Variants in NEGR1 observed in about 807,000 individuals in gnomAD.
NEGR1 encodes IgLON family member 4.
A neutral mutation model predicts 40.9 loss-of-function variants in NEGR1; 10 were observed. The ratio of observed to expected loss-of-function variants is 0.24; its 90% CI spans 0.15 to 0.42. The LOEUF (loss-of-function observed/expected upper bound fraction) is 0.42, where lower values mean the gene tolerates loss of function less well. Among genes scored for constraint, NEGR1 ranks in the 10% least tolerant of loss-of-function variants. NEGR1 has a pLI of 1.00. For missense variants in NEGR1, 352 were observed against 438.9 expected (o/e 0.80, Z 1.77); for synonymous variants, 185 against 166.8 (o/e 1.11, Z -0.84).
intron 1 of NEGR1, among the ~76,000 whole-genome samples, chr1:72,111,903 A>AT (rs796242037): frequency 3.3e-5 from 5 of 151,922 alleles, no homozygotes; most frequent in African/African-American, 1.2e-4. Context: ...TACATAGGAG[A>AT]TAATTAACAA....
intron 6 of NEGR1, among the ~76,000 whole-genome samples, chr1:71,531,878 T>C (rs1338825162): frequency 6.6e-6 from 1 of 151,310 alleles, no homozygotes. Context: ...CTAAAGCAAT[T>C]TAAAGCATTT....
At chr1:72,002,567 T>C (rs1570597414) in intron 1 of NEGR1, among the ~76,000 whole-genome samples, 1 of 152,238 alleles carries the variant, frequency 6.6e-6, no homozygotes, top group East Asian at 1.9e-4. Context: ...AAGAGAATTA[T>C]AATTGTTTGG....
intron 1 of NEGR1, among the ~76,000 whole-genome samples, chr1:72,095,652 T>TA (rs541450096): frequency 1.1e-3 from 154 of 146,220 alleles, no homozygotes; most frequent in African/African-American, 3.3e-3. Context: ...CATATATATA[T>TA]TTTTTTAAAC....
chr1:72,224,737 A>G (rs1654120757), intron 1 of NEGR1, among the ~76,000 whole-genome samples: 1 of 151,956 alleles, frequency 6.6e-6, no homozygotes, highest in Non-Finnish European at 1.5e-5. Flanking sequence ...ACTACCTCCA[A>G]TTTTGGAGTA....
chr1:71,400,223 T>C lies in NEGR1; in HGVS notation c.*7223A>G, dbSNP rs1443023596. ...TGAAGGTGTAATGAACCATGCTACC[T>C]CCTGTAGTTTCTACCAAACCAAGAT... On this transcript the variant is annotated 3_prime_UTR_variant, in exon 7 of 7. Transcript: ENST00000357731. 6.6e-6 allele frequency: 1 copy of C among 152,160 alleles called. No homozygotes were observed. Among genetic ancestry groups the C allele is most frequent in the Non-Finnish European group, 1.5e-5 (1 of 68,026 alleles). The allele number at this position is 152,160 out of a possible 1,614,324, so 9.4% of individuals were successfully genotyped here. A position where few individuals can be genotyped will look rare whatever the true frequency, so the allele number is the denominator to read the frequency against.
chr1:71,609,056 C>G (rs1462704334), intron 5 of NEGR1, among the ~76,000 whole-genome samples: 3 of 151,864 alleles, frequency 2.0e-5, no homozygotes, highest in Non-Finnish European at 4.4e-5. Context: ...ATCTAATTCT[C>G]AATATATAAA....
intron 1 of NEGR1, among the ~76,000 whole-genome samples, chr1:71,977,060 T>A (rs988095487): frequency 6.6e-6 from 1 of 152,160 alleles, no homozygotes; most frequent in African/African-American, 2.4e-5. Context: ...TGGTGGCTCA[T>A]GGCTGTAATC....
At chr1:71,936,077 G>A (rs533692375) in intron 1 of NEGR1, among the ~76,000 whole-genome samples, 1 of 152,114 alleles carries the variant, frequency 6.6e-6, no homozygotes, top group African/African-American at 2.4e-5. Context: ...GGGATTACAG[G>A]CTTGAGCCAC....
intron 1 of NEGR1, among the ~76,000 whole-genome samples, chr1:72,110,074 A>G (rs563070498): frequency 6.6e-6 from 1 of 151,654 alleles, no homozygotes; most frequent in Admixed American, 6.6e-5. Context: ...GACATGAGGG[A>G]TCATGCAACT....
chr1:72,207,057 A>C (rs1031799600), intron 1 of NEGR1, among the ~76,000 whole-genome samples: 4 of 151,592 alleles, frequency 2.6e-5, no homozygotes, highest in Non-Finnish European at 5.9e-5. Context: ...TAAGTGTTTG[A>C]AGAACATGTT....
chr1:71,976,530 CTG>C (rs1440988525), intron 1 of NEGR1, among the ~76,000 whole-genome samples: 1 of 152,202 alleles, frequency 6.6e-6, no homozygotes, highest in African/African-American at 2.4e-5. Context: ...TTGAGGGAGA[CTG>C]GCTCCCGGCT....
chr1:71,690,565 A>AACAC (rs3980432), intron 4 of NEGR1, among the ~76,000 whole-genome samples: 1,581 of 119,244 alleles, frequency 0.013, 36 homozygotes, highest in African/African-American at 0.042. Context: ...TAAGTTATAT[A>AACAC]ACACACACAC....
Position 71,537,731 on chromosome 1 carries a change from G to A in NEGR1, c.940+55086C>T, listed in dbSNP as rs116822798. On this transcript the variant is annotated intron_variant, in intron 6 of 6. Transcript: ENST00000357731. Reference sequence around the variant, plus strand: ...TCATGAACTTGTAAACCCTTATTCTGTTAAAACAGTAGTTTAACCAGAAAT... The same window carrying A: ...TCATGAACTTGTAAACCCTTATTCTATTAAAACAGTAGTTTAACCAGAAAT... Among the ~76,000 whole-genome samples the A allele has an allele frequency of 2.6e-3, 399 of 151,818 alleles. 1 individual carries two copies. Among genetic ancestry groups the A allele is most frequent in the African/African-American group, 8.1e-3 (336 of 41,496 alleles).
chr1:71,427,809 G>A (rs1646438721), intron 6 of NEGR1, among the ~76,000 whole-genome samples: 2 of 152,114 alleles, frequency 1.3e-5, no homozygotes, highest in Middle Eastern at 3.2e-3. Context: ...TAGCATTCTA[G>A]AATTTTAAGT....
chr1:71,771,163 A>C (rs1009012253), intron 3 of NEGR1, among the ~76,000 whole-genome samples: 4 of 152,154 alleles, frequency 2.6e-5, no homozygotes, highest in Non-Finnish European at 5.9e-5. Flanking sequence ...ACATGGATGA[A>C]GCTGGAAACC....
intron 1 of NEGR1, among the ~76,000 whole-genome samples, chr1:71,955,218 A>G (rs766667046): frequency 6.6e-6 from 1 of 152,156 alleles, no homozygotes; most frequent in African/African-American, 2.4e-5. Context: ...CAGGAAATAA[A>G]TAATATATTT....
At chr1:71,587,561 C>T (rs1166456209) in intron 6 of NEGR1, among the ~76,000 whole-genome samples, 1 of 152,054 alleles carries the variant, frequency 6.6e-6, no homozygotes, top group Non-Finnish European at 1.5e-5. Flanking sequence ...AGGGAAAAGA[C>T]AGTTTTGATC....
chr1:72,141,734 G>T (rs1316209366), intron 1 of NEGR1, among the ~76,000 whole-genome samples: 4 of 151,936 alleles, frequency 2.6e-5, no homozygotes, highest in African/African-American at 9.7e-5. Flanking sequence ...TCAATAAACA[G>T]GTTCTTTATA....
chr1:71,425,463 A>C (rs1331399654), intron 6 of NEGR1, among the ~76,000 whole-genome samples: 1 of 152,210 alleles, frequency 6.6e-6, no homozygotes, highest in East Asian at 1.9e-4. Context: ...AATGCTCCAG[A>C]GACTCCAAGG....
Sources: allele counts gnomAD v4.1 joint callset (sites outside exome capture counted in the v4.1 genomes callset), GRCh38; gene constraint gnomAD v4.1.1; transcripts MANE v1.5; gene names NCBI Gene and HGNC (gene_info 2026-07-23, HGNC 2026-07-21).